The following ASPH variants were observed in gnomAD, a reference collection of about 807,000 sequenced individuals.
ASPH encodes the protein aspartate beta-hydroxylase.
ASPH carries 100 observed loss-of-function variants against 118.4 expected under a neutral mutation model. That is an observed-to-expected ratio of 0.84 (90% CI 0.72 to 1.00). ASPH has a LOEUF of 1.00. Among genes scored for constraint, ASPH ranks in the 50% least tolerant of loss-of-function variants. The pLI is 0.00. For synonymous variants in ASPH, 315 were observed against 325.6 expected (o/e 0.97, Z 0.35); for missense variants, 920 against 919.5 (o/e 1.00, Z -0.01).
At chr8:61,631,962 C>T (rs1158974601) in intron 13 of ASPH, 1 of 155,082 alleles carries the variant, frequency 6.4e-6, no homozygotes. Flanking sequence ...TTGAATCAAC[C>T]CTGATGATCA....
At chr8:61,575,776 T>A (rs1035197807) in intron 16 of ASPH, among the ~76,000 whole-genome samples, 19 of 152,194 alleles carry the variant, frequency 1.2e-4, no homozygotes, top group African/African-American at 4.3e-4. Context: ...TGGCCAGTGC[T>A]CAGCCAGGAG....
intron 20 of ASPH, among the ~76,000 whole-genome samples, chr8:61,550,684 C>T (rs1825693342): frequency 6.6e-6 from 1 of 152,210 alleles, no homozygotes; most frequent in South Asian, 2.1e-4. Context: ...ATTGTAAATG[C>T]TATCGCGTGC....
At chr8:61,688,782 T>C (rs928242539) in intron 1 of ASPH, among the ~76,000 whole-genome samples, 1 of 152,168 alleles carries the variant, frequency 6.6e-6, no homozygotes, top group Non-Finnish European at 1.5e-5. Flanking sequence ...GATTACCTAA[T>C]CCACAAGAGG....
intron 14 of ASPH, among the ~76,000 whole-genome samples, chr8:61,591,123 C>T (rs1237769264): frequency 2.6e-5 from 4 of 152,166 alleles, no homozygotes; most frequent in African/African-American, 9.7e-5. Flanking sequence ...ATTTACAAAA[C>T]AGCATTTGGC....
chr8:61,633,860 C>G (rs1377730246), intron 12 of ASPH, 133 bp from the exon 13 acceptor site: 1 of 614,598 alleles, frequency 1.6e-6, no homozygotes, highest in Non-Finnish European at 2.7e-6. Context: ...TTAATAAAAA[C>G]ATTAGGCTTC....
chr8:61,626,489 A>C (rs1411994433), intron 13 of ASPH, among the ~76,000 whole-genome samples: 1 of 152,146 alleles, frequency 6.6e-6, no homozygotes, highest in Non-Finnish European at 1.5e-5. Flanking sequence ...TGAAAATCTC[A>C]GGTTCTTTCG....
At chr8:61,546,432 A>G (rs1823892793) in intron 21 of ASPH, among the ~76,000 whole-genome samples, 2 of 152,230 alleles carry the variant, frequency 1.3e-5, no homozygotes, top group African/African-American at 4.8e-5. Context: ...ATGGGATCCA[A>G]TCTGAGGGAG....
intron 14 of ASPH, among the ~76,000 whole-genome samples, chr8:61,586,026 C>T (rs895154136): frequency 1.3e-5 from 2 of 152,178 alleles, no homozygotes; most frequent in African/African-American, 4.8e-5. Context: ...TTCTGCAAAT[C>T]TATTTGTTCT....
chr8:61,658,763 T>C (rs1815143886), intron 3 of ASPH: 1 of 152,160 alleles, frequency 6.6e-6, no homozygotes, highest in African/African-American at 2.4e-5. Flanking sequence ...TACTGAACAA[T>C]CTTTTGGGTT....
chr8:61,706,564 T>C (rs528033236), intron 1 of ASPH, among the ~76,000 whole-genome samples: 1 of 152,210 alleles, frequency 6.6e-6, no homozygotes, highest in South Asian at 2.1e-4. Flanking sequence ...TTCAGTATTA[T>C]AAACATCTGT....
Position 61,553,021 on chromosome 8 carries a change from T to C in ASPH, c.1626+10A>G, listed in dbSNP as rs4289805. On this transcript the variant is annotated intron_variant, in intron 20 of 24. Transcript: ENST00000379454. ...TGTTAGAGAGAATCAGAAATTCATA[T>C]ACCCATTACCTCTTTGTTCCCAACC... 0.2 allele frequency: 323,544 copies of C among 1,589,006 alleles called. 40,149 individuals carry two copies. Among genetic ancestry groups the C allele is most frequent in the African/African-American group, 0.58 (42,896 of 74,136 alleles).
At chr8:61,616,554 G>A (rs953039403) in intron 14 of ASPH, among the ~76,000 whole-genome samples, 2 of 152,178 alleles carry the variant, frequency 1.3e-5, no homozygotes, top group African/African-American at 2.4e-5. Flanking sequence ...TGCATGGGCT[G>A]GGTACGGTGT....
rs16927574 is a variant in ASPH at position 61,576,775 on chromosome 8, C to T, written c.1146G>A (p.Ala382=). ...AAGGAGAAGGGTCTCAGAATACCTG[C>T]GCCTTCCCATATCTTGCTCGTGGAC... is the stretch of plus-strand genomic sequence containing the variant. ...PQSPRARYGK[A]QCEDDLAEKR... Residue 382 remains alanine (A), a synonymous_variant, in exon 16 of 25, where the codon GCG becomes GCA. Coordinates refer to ENST00000379454, the MANE Select transcript of ASPH (RefSeq NM_004318.4). 122,750 of 1,605,954 alleles carry T rather than the reference C, an allele frequency of 0.076. 6,151 individuals are homozygous for T. Among genetic ancestry groups the T allele is most frequent in the East Asian group, 0.28 (12,307 of 44,746 alleles).
At chr8:61,665,306 C>A in intron 3 of ASPH, 4 of 1,613,212 alleles carry the variant, frequency 2.5e-6, no homozygotes, top group Non-Finnish European at 3.4e-6. Flanking sequence ...TCTGGTAGAA[C>A]TTCTACTTTC....
At chr8:61,625,011 CTT>C (rs1852237947) in intron 13 of ASPH, 1 of 985,456 alleles carries the variant, frequency 1.0e-6, no homozygotes, top group Non-Finnish European at 1.2e-6. Context: ...ATAGAAGTAT[CTT>C]TGATTTTAAT....
intron 14 of ASPH, among the ~76,000 whole-genome samples, chr8:61,588,302 A>C (rs1304186921): frequency 6.6e-6 from 1 of 152,250 alleles, no homozygotes; most frequent in Non-Finnish European, 1.5e-5. Flanking sequence ...TGAAATATTA[A>C]GAGCAAACAA....
chr8:61,598,069 A>C (rs568014962), intron 14 of ASPH, among the ~76,000 whole-genome samples: 42 of 152,350 alleles, frequency 2.8e-4, no homozygotes, highest in African/African-American at 9.9e-4. Context: ...AAAATATACA[A>C]CAACAACAAA....
intron 1 of ASPH, among the ~76,000 whole-genome samples, chr8:61,705,608 G>A (rs1217952635): frequency 6.6e-6 from 1 of 152,206 alleles, no homozygotes; most frequent in African/African-American, 2.4e-5. Context: ...GGCTGCCTCT[G>A]GTGGCAGAGG....
At chr8:61,680,089 T>A (rs1370244355) in intron 3 of ASPH, among the ~76,000 whole-genome samples, 1 of 151,736 alleles carries the variant, frequency 6.6e-6, no homozygotes, top group African/African-American at 2.4e-5. Flanking sequence ...GTTTCACTAG[T>A]TACAGATGTG....
Sources: gnomAD v4.1 joint callset for allele counts (sites outside exome capture counted in the v4.1 genomes callset) on GRCh38, gnomAD v4.1.1 for gene constraint, MANE v1.5 for transcripts, NCBI Gene and HGNC (gene_info 2026-07-23, HGNC 2026-07-21) for gene names.